Variants in SRCIN1 observed in about 807,000 individuals in gnomAD.
SRCIN1 encodes SRC kinase signaling inhibitor 1.
In SRCIN1, 50 loss-of-function variants were observed where a neutral mutation model predicts 116.2. That is an observed-to-expected ratio of 0.43 (90% CI 0.34 to 0.54). The LOEUF (loss-of-function observed/expected upper bound fraction) is 0.54, where lower values mean the gene tolerates loss of function less well. SRCIN1 is among the 20% of genes least tolerant of loss of function. The probability of loss-of-function intolerance (pLI) is 0.02; values close to 1 mark genes in which losing one functional copy is unlikely to be tolerated. For synonymous variants in SRCIN1, 736 were observed against 750.0 expected, an observed-to-expected ratio of 0.98 and a Z score of 0.30; for missense variants, 1,446 against 1,672.0, an observed-to-expected ratio of 0.86 and a Z score of 2.36.
At chr17:38,557,158 T>A (rs562423628) in intron 11 of SRCIN1, among the ~76,000 whole-genome samples, 4 of 152,194 alleles carry the variant, frequency 2.6e-5, no homozygotes, top group Admixed American at 1.3e-4. Flanking sequence ...AAAATGCACA[T>A]GTACCACCAG....
chr17:38,573,011 A>T (rs1376413250), intron 2 of SRCIN1, among the ~76,000 whole-genome samples: 1 of 151,838 alleles, frequency 6.6e-6, no homozygotes, highest in Non-Finnish European at 1.5e-5. Context: ...CGGTCACCCG[A>T]TACGCCGGCC....
At position 38,552,972 on chromosome 17, in the gene SRCIN1, A is replaced by G; in HGVS notation, c.2202-117T>C. The G allele has an allele frequency of 2.0e-6, 3 of 1,483,196 alleles. No individual in the cohort carries two copies. The highest frequency in any genetic ancestry group is 2.7e-6 in the Non-Finnish European group (3 of 1,108,130). 91.9% of individuals were successfully genotyped at this position (1,483,196 alleles called of 1,614,324 possible). ...CAGTTGGATCGAAAGTAAAAGCAGG[A>G]GGCTGGGCACCGTGGCTCACGCCCG... On this transcript the variant is annotated intron_variant, in intron 11 of 18. Coordinates refer to ENST00000617146, the MANE Select transcript of SRCIN1 (RefSeq NM_025248.3). This position sits in a 1 kb window ranked among gnomAD's most constrained non-coding sequence, Gnocchi z 5.3.
chr17:38,586,443 G>T (rs948109896), intron 1 of SRCIN1, among the ~76,000 whole-genome samples: 12 of 152,216 alleles, frequency 7.9e-5, no homozygotes, highest in African/African-American at 2.9e-4. Context: ...ATGGAGAAGG[G>T]TCTGGAGCAG....
At chr17:38,569,518 G>A (rs563008871) in intron 2 of SRCIN1, among the ~76,000 whole-genome samples, 4 of 152,158 alleles carry the variant, frequency 2.6e-5, no homozygotes, top group Non-Finnish European at 2.9e-5. Flanking sequence ...GAGTCGAGGG[G>A]CACTCCGGCT....
chr17:38,588,817 G>T (rs534116205), intron 1 of SRCIN1, among the ~76,000 whole-genome samples: 1 of 152,144 alleles, frequency 6.6e-6, no homozygotes, highest in East Asian at 1.9e-4. Flanking sequence ...ACTCATCAAC[G>T]GGCTCATCAA....
rs758293722 is a variant in SRCIN1 at position 38,562,935 on chromosome 17, G to C, written c.741-15C>G. ...CCTGGATGTCCCTGGGAGAGGCGGG[G>C]AGACGGGGGTCACCACCCATCCCCC... On this transcript the variant is annotated splice_polypyrimidine_tract_variant and intron_variant, in intron 5 of 18. Coordinates refer to ENST00000617146, the MANE Select transcript of SRCIN1 (RefSeq NM_025248.3). The surrounding 1 kb of genome is among the most constrained non-coding windows in gnomAD (Gnocchi z 4.2). 6.9e-6 allele frequency: 11 copies of C among 1,601,812 alleles called. No homozygotes were observed. The highest frequency in any genetic ancestry group is 3.3e-4 in the Middle Eastern group (2 of 6,066).
Position 38,563,404 on chromosome 17 carries a change from A to G in SRCIN1, c.659T>C (p.Met220Thr). Residue 220 changes from methionine to threonine, a missense_variant, in exon 5 of 19, where the codon ATG becomes ACG. Met to Thr is a moderately conservative substitution (Grantham distance 81). Transcript: ENST00000617146. This position sits in a 1 kb window ranked among gnomAD's most constrained non-coding sequence, Gnocchi z 5.8. ...IAHMFPQKLT[M>T]GMLKSPNTAI... Reference sequence around the variant, plus strand: ...GGTATTGGGCGACTTAAGCATGCCCATGGTGAGCTTCTGCGGGAACATGTG... The same window carrying G: ...GGTATTGGGCGACTTAAGCATGCCCGTGGTGAGCTTCTGCGGGAACATGTG... 6.3e-7 allele frequency: 1 copy of G among 1,576,886 alleles called. No individual in the cohort carries two copies. The highest frequency in any genetic ancestry group is 1.2e-5 in the South Asian group (1 of 85,694).
At position 38,602,026 on chromosome 17, in the gene SRCIN1, G is replaced by A. The variant is rs1051283858; in HGVS notation, c.22+3658C>T. ...AGGCACAGAGGAGAGATGGGGGAGG[G>A]GCGAAGACTGAGGGCATCCAGGGGA... On this transcript the variant is annotated intron_variant, in intron 1 of 18. Transcript: ENST00000617146. This position sits in a 1 kb window ranked among gnomAD's most constrained non-coding sequence, Gnocchi z 4.2. Among the ~76,000 whole-genome samples the A allele has an allele frequency of 3.9e-5, 6 of 152,038 alleles. No individual in the cohort carries two copies. The highest frequency in any genetic ancestry group is 2.1e-4 in the South Asian group (1 of 4,814).
intron 11 of SRCIN1, among the ~76,000 whole-genome samples, chr17:38,553,620 T>A (rs974789190): frequency 6.6e-6 from 1 of 152,168 alleles, no homozygotes; most frequent in Non-Finnish European, 1.5e-5. Flanking sequence ...TGAGTTAGAT[T>A]TTCAGCTACT....
At chr17:38,575,178 T>A (rs1907341954) in intron 2 of SRCIN1, among the ~76,000 whole-genome samples, 1 of 152,332 alleles carries the variant, frequency 6.6e-6, no homozygotes, top group South Asian at 2.1e-4. Flanking sequence ...GATGTCTGCT[T>A]TTCTGTTAGA....
chr17:38,570,460 G>T (rs1294893442), intron 2 of SRCIN1, among the ~76,000 whole-genome samples: 8 of 152,214 alleles, frequency 5.3e-5, no homozygotes. Context: ...CACGGCCTCA[G>T]AGCCACCTAC....
chr17:38,550,875 A>G (rs1182394321), intron 15 of SRCIN1, among the ~76,000 whole-genome samples: 6 of 152,218 alleles, frequency 3.9e-5, no homozygotes, highest in Non-Finnish European at 7.3e-5. Flanking sequence ...TGCCCAGCCA[A>G]GCCGTGGAGG....
chr17:38,553,208 G>A (rs1905562313), intron 11 of SRCIN1, among the ~76,000 whole-genome samples: 1 of 152,232 alleles, frequency 6.6e-6, no homozygotes, highest in Admixed American at 6.5e-5. Context: ...AGTGAGCCGT[G>A]ATTGTGCCAC....
At chr17:38,549,025 C>A (rs1327887154) in intron 16 of SRCIN1, 31 bp downstream of exon 16, 9 of 1,611,614 alleles carry the variant, frequency 5.6e-6, no homozygotes, top group African/African-American at 1.3e-5. Context: ...AACTCAGTCC[C>A]CTGGCCCTCT....
rs145603513 is a variant in SRCIN1 at position 38,576,831 on chromosome 17, T to C, written c.324+1659A>G. 3.1e-3 allele frequency among the ~76,000 whole-genome samples: 470 copies of C among 152,002 alleles called. 2 individuals are homozygous for C. The highest frequency in any genetic ancestry group is 0.027 in the Middle Eastern group (8 of 294). ...CTTCCAACCCCCATCCATCCATCCTTTCCCCTTCATCATCCCTGATACACT... is the reference window on the plus strand; with the variant it reads ...CTTCCAACCCCCATCCATCCATCCTCTCCCCTTCATCATCCCTGATACACT... On this transcript the variant is annotated intron_variant, in intron 2 of 18. Coordinates refer to ENST00000617146, the MANE Select transcript of SRCIN1 (RefSeq NM_025248.3).
At chr17:38,581,830 G>A (rs552335172) in intron 1 of SRCIN1, among the ~76,000 whole-genome samples, 2 of 152,300 alleles carry the variant, frequency 1.3e-5, no homozygotes, top group South Asian at 2.1e-4. Flanking sequence ...GAAGGCTGGG[G>A]GTTCCCTGGG....
chr17:38,595,605 T>C (rs916983526), intron 1 of SRCIN1, among the ~76,000 whole-genome samples: 2 of 152,216 alleles, frequency 1.3e-5, no homozygotes, highest in African/African-American at 2.4e-5. Flanking sequence ...TGCATGTGAC[T>C]GTAAGCTAAA....
rs1336507645 is a variant in SRCIN1, at chr17:38,572,829, C to T, written c.325-4598G>A. 1.3e-5 allele frequency: 2 copies of T among 152,236 alleles called. No individual in the cohort carries two copies. Among genetic ancestry groups the T allele is most frequent in the East Asian group, 1.9e-4 (1 of 5,174 alleles). 9.4% of individuals were successfully genotyped at this position (152,236 alleles called of 1,614,324 possible). A position where few individuals can be genotyped will look rare whatever the true frequency, so the allele number is the denominator to read the frequency against. Reference sequence around the variant, plus strand: ...GCCCTTTGCTGCAATGCGAGAGCCGCCGCGGCCGCCGCCGTGCCGGCCCGG... The same window carrying T: ...GCCCTTTGCTGCAATGCGAGAGCCGTCGCGGCCGCCGCCGTGCCGGCCCGG... On this transcript the variant is annotated intron_variant, in intron 2 of 18. Coordinates refer to ENST00000617146, the MANE Select transcript of SRCIN1 (RefSeq NM_025248.3). The surrounding 1 kb of genome is among the most constrained non-coding windows in gnomAD (Gnocchi z 4.3).
At chr17:38,542,964 A>C in intron 18 of SRCIN1, 2 of 416,664 alleles carry the variant, frequency 4.8e-6, no homozygotes, top group Admixed American at 2.5e-5. Flanking sequence ...TGGGCCTGTC[A>C]TACAGGAGCT....
Sources: gnomAD v4.1 joint callset for allele counts (sites outside exome capture counted in the v4.1 genomes callset) on GRCh38, gnomAD v4.1.1 for gene constraint, Gnocchi (gnomAD v3.1) non-coding constraint, MANE v1.5 for transcripts, NCBI Gene and HGNC (gene_info 2026-07-23, HGNC 2026-07-21) for gene names.